ZKSCAN8: variants seen among roughly 807,000 people sequenced by gnomAD.
ZKSCAN8 encodes zinc finger protein with KRAB and SCAN domains 8.
A neutral mutation model predicts 57.2 loss-of-function variants in ZKSCAN8; 27 were observed. That is an observed-to-expected ratio of 0.47 (90% confidence interval 0.35 to 0.65). ZKSCAN8 has a LOEUF of 0.65. Ranked by LOEUF, ZKSCAN8 falls within the 30% of genes least tolerant of loss-of-function variation. The pLI is 0.01. For synonymous variants in ZKSCAN8, 214 were observed against 248.7 expected (o/e 0.86, Z 1.31); for missense variants, 597 against 696.3 (o/e 0.86, Z 1.60).
rs1765610552 is a variant in ZKSCAN8, at chr6:28,152,121, C to T, written c.652-140C>T. On this transcript the variant is annotated intron_variant, in intron 4 of 5. Transcript: ENST00000330236. ...AGTAAATCTCATGCATTTTCCTCTT[C>T]TTCCTAGCTATTCAGATCCCTTTAC... The T allele has an allele frequency of 2.1e-6, 3 of 1,410,968 alleles. No individual in the cohort carries two copies. In the African/African-American group the frequency reaches 4.3e-5, roughly 20 times the overall value. The allele number at this position is 1,410,968 out of a possible 1,614,324, so 87.4% of individuals were successfully genotyped here.
intron 1 of ZKSCAN8, among the ~76,000 whole-genome samples, chr6:28,147,558 T>A (rs2622320): frequency 0.53 from 80,574 of 152,098 alleles, 25,197 homozygotes; most frequent in African/African-American, 0.87. Flanking sequence ...TCATAGTGAT[T>A]AAAAAACAAA....
In ZKSCAN8 at chr6:28,143,284, G is replaced by C. The variant is rs371884039; in HGVS notation, c.-93+1255G>C. 7.9e-5 allele frequency among the ~76,000 whole-genome samples: 12 copies of C among 152,214 alleles called. No individual in the cohort carries two copies. The East Asian group carries it at 2.3e-3, about 29-fold the overall frequency. ...CTCAAAAACCAGCTGATCAGAGAGG[G>C]AAGAGACTTAAAAAAATGGAAAATT... On this transcript the variant is annotated intron_variant, in intron 1 of 5. Coordinates refer to ENST00000330236, the MANE Select transcript of ZKSCAN8 (RefSeq NM_006298.4).
At position 28,153,239 on chromosome 6, in the gene ZKSCAN8, G is replaced by C. The variant is rs1348765007; in HGVS notation, c.959G>C (p.Arg320Thr). 1.9e-6 allele frequency: 3 copies of C among 1,614,216 alleles called. No individual in the cohort carries two copies. The highest frequency in any genetic ancestry group is 2.5e-6 in the Non-Finnish European group (3 of 1,180,032). ...ERQRGNPTQERRHKCDECGKS... is the reference protein window; with the variant it reads ...ERQRGNPTQETRHKCDECGKS... The stretch of plus-strand genomic sequence containing the variant: ...CAGCGGGGAAATCCCACACAAGAGA[G>C]ACGACATAAATGTGATGAATGTGGG... The change falls in exon 6 of 6, where the codon AGA (arginine) becomes ACA (threonine). Residue 320 changes from arginine (R) to threonine (T), a missense_variant. Coordinates refer to ENST00000330236, the MANE Select transcript of ZKSCAN8 (RefSeq NM_006298.4).
chr6:28,159,083 T>C lies in ZKSCAN8; in HGVS notation c.*5066T>C, dbSNP rs1171410678. 1 of 152,242 alleles carries C rather than the reference T, an allele frequency of 6.6e-6. No individual in the cohort carries two copies. Among genetic ancestry groups the C allele is most frequent in the African/African-American group, 2.4e-5 (1 of 41,448 alleles). 9.4% of individuals were successfully genotyped at this position (152,242 alleles called of 1,614,324 possible). A position where few individuals can be genotyped will look rare whatever the true frequency, so the allele number is the denominator to read the frequency against. On this transcript the variant is annotated 3_prime_UTR_variant, in exon 6 of 6. Coordinates refer to ENST00000330236, the MANE Select transcript of ZKSCAN8 (RefSeq NM_006298.4). ...AGCTCTTGCCTCTGTGCCTTTCTCA[T>C]GCTATTCTTTTTGCTTAGATTGCTC... is the stretch of plus-strand genomic sequence containing the variant.
Position 28,152,341 on chromosome 6 carries a change from T to TAG in ZKSCAN8, c.736_737dup (p.Asp246GlufsTer25). ...TTGATCCATCACAGAAGGATCTGTGTAGAGATAACAGGCCAGAAAATTTCA... is the reference window on the plus strand; with the variant it reads ...TTGATCCATCACAGAAGGATCTGTGTAGAGAGATAACAGGCCAGAAAATTTCA... On this transcript the variant is annotated frameshift_variant, in exon 5 of 6. Coordinates refer to ENST00000330236, the MANE Select transcript of ZKSCAN8 (RefSeq NM_006298.4). LOFTEE classifies it high-confidence loss of function. The TAG allele has an allele frequency of 6.2e-7, 1 of 1,613,438 alleles. No individual in the cohort carries two copies. Among genetic ancestry groups the TAG allele is most frequent in the Non-Finnish European group, 8.5e-7 (1 of 1,179,848 alleles).
At chr6:28,141,816 T>C (rs921645687), upstream of ZKSCAN8, 3 of 152,418 alleles carry the variant, frequency 2.0e-5, no homozygotes, top group Admixed American at 1.3e-4. Flanking sequence ...CCATAGAGCT[T>C]GTAGACCTCC....
rs1303880529 is a variant in ZKSCAN8 at position 28,152,301 on chromosome 6, G to A, written c.692G>A (p.Arg231Gln). 7.4e-6 allele frequency: 12 copies of A among 1,612,942 alleles called. No individual in the cohort carries two copies. Among genetic ancestry groups the A allele is most frequent in the East Asian group, 2.2e-5 (1 of 44,868 alleles). ...GAAGACATGGCTGTGTCCCTTATTC[G>A]AGAGGAGTGGCTTCTTGATCCATCA... ...KIEDMAVSLIREEWLLDPSQK... is the reference protein window; with the variant it reads ...KIEDMAVSLIQEEWLLDPSQK... Residue 231 changes from arginine to glutamine, a missense_variant, in exon 5 of 6, where the codon CGA becomes CAA. Arg to Gln is a conservative substitution (Grantham distance 43). Coordinates refer to ENST00000330236, the MANE Select transcript of ZKSCAN8 (RefSeq NM_006298.4).
rs1437928041 is a variant in ZKSCAN8, at chr6:28,155,000, T to A, written c.*983T>A. 1 of 152,616 alleles carries A rather than the reference T, an allele frequency of 6.6e-6. No homozygotes were observed. Among genetic ancestry groups the A allele is most frequent in the Non-Finnish European group, 1.5e-5 (1 of 68,040 alleles). The allele number at this position is 152,616 out of a possible 1,614,324, so 9.5% of individuals were successfully genotyped here. ...ACTCATCTTTTTTGGCCCATTACAA[T>A]ACTGCTTTCTCAGGTTCTTAACAGC... On this transcript the variant is annotated 3_prime_UTR_variant, in exon 6 of 6. Coordinates refer to ENST00000330236, the MANE Select transcript of ZKSCAN8 (RefSeq NM_006298.4).
Position 28,153,628 on chromosome 6 carries a change from A to C in ZKSCAN8, c.1348A>C (p.Ile450Leu). 1 of 1,613,082 alleles carries C rather than the reference A, an allele frequency of 6.2e-7. No homozygotes were observed. The highest frequency in any genetic ancestry group is 8.5e-7 in the Non-Finnish European group (1 of 1,179,740). The change falls in exon 6 of 6, where the codon ATT becomes CTT. Residue 450 changes from isoleucine to leucine, a missense_variant. Ile to Leu is a conservative substitution (Grantham distance 5). Transcript: ENST00000330236. Reference sequence around the variant, plus strand: ...AGCTTTCAGTCATAGCTCACACCTCATTGGACATCAGAGAATCCACACTGG... The same window carrying C: ...AGCTTTCAGTCATAGCTCACACCTCCTTGGACATCAGAGAATCCACACTGG... ...GKAFSHSSHL[I>L]GHQRIHTGEK...
chr6:28,153,620 C>G lies in ZKSCAN8; in HGVS notation c.1340C>G (p.Ser447Ter). ...TGTGGGAAAGCTTTCAGTCATAGCT[C>G]ACACCTCATTGGACATCAGAGAATC... ...NECGKAFSHSSHLIGHQRIHT... is the reference protein window; with the variant it reads ...NECGKAFSHS The change falls in exon 6 of 6, where the codon TCA becomes TGA. Residue 447 changes from serine to a stop codon, truncating the protein, a stop_gained. Coordinates refer to ENST00000330236, the MANE Select transcript of ZKSCAN8 (RefSeq NM_006298.4). LOFTEE classifies it high-confidence loss of function. The G allele has an allele frequency of 6.2e-7, 1 of 1,614,030 alleles. No homozygotes were observed.
chr6:28,148,239 A>G (rs535751156), intron 1 of ZKSCAN8, 77 bp from the exon 2 acceptor site: 2 of 659,858 alleles, frequency 3.0e-6, no homozygotes, highest in African/African-American at 3.6e-5. Context: ...TGTCATACTA[A>G]GGAACTTGTT....
chr6:28,151,946 G>A lies in ZKSCAN8; in HGVS notation c.651+10G>A. ...CACAGCAGGGTTCCAGGTGAGTTGT[G>A]CTCCTTCTCACTGAAACGCCATAGC... On this transcript the variant is annotated intron_variant, in intron 4 of 5. Coordinates refer to ENST00000330236, the MANE Select transcript of ZKSCAN8 (RefSeq NM_006298.4). 2 of 1,613,440 alleles carry A rather than the reference G, an allele frequency of 1.2e-6. No individual in the cohort carries two copies. Among genetic ancestry groups the A allele is most frequent in the Non-Finnish European group, 1.7e-6 (2 of 1,179,418 alleles).
intron 3 of ZKSCAN8, 23 bp downstream of exon 3, chr6:28,149,647 T>C: frequency 6.2e-7 from 1 of 1,612,780 alleles, no homozygotes; most frequent in Non-Finnish European, 8.5e-7. Flanking sequence ...ATTTCATTGA[T>C]GATAAGGGGG....
At chr6:28,148,034 C>T (rs900314492) in intron 1 of ZKSCAN8, among the ~76,000 whole-genome samples, 8 of 152,204 alleles carry the variant, frequency 5.3e-5, no homozygotes, top group African/African-American at 1.9e-4. Context: ...AAAATTTCAA[C>T]TAGACCCAGT....
intron 4 of ZKSCAN8, 50 bp downstream of exon 4, chr6:28,151,986 T>C (rs1429777904): frequency 6.3e-7 from 1 of 1,589,918 alleles, no homozygotes; most frequent in East Asian, 2.2e-5. Flanking sequence ...CTTGTCAGTG[T>C]TTGTGGCATC....
intron 2 of ZKSCAN8, 52 bp from the exon 3 acceptor site, chr6:28,149,431 C>G (rs1279321605): frequency 6.2e-7 from 1 of 1,605,444 alleles, no homozygotes. Flanking sequence ...TTTCATTGTT[C>G]ATTACATTTC....
At position 28,153,561 on chromosome 6, in the gene ZKSCAN8, C is replaced by T; in HGVS notation, c.1281C>T (p.Ile427=). The change falls in exon 6 of 6, where the codon ATC becomes ATT. Residue 427 remains isoleucine (I), a synonymous_variant. Transcript: ENST00000330236. ...CGGGCCTTATTCTGCACCAGAGAAT[C>T]CACAGTGGAGAGAGACCCTATGAAT... ...QSAGLILHQR[I]HSGERPYECN... 6.2e-7 allele frequency: 1 copy of T among 1,614,006 alleles called. No homozygotes were observed. Among genetic ancestry groups the T allele is most frequent in the South Asian group, 1.1e-5 (1 of 91,082 alleles).
In ZKSCAN8 at chr6:28,151,915, A is replaced by C. The variant is rs1180682555; in HGVS notation, c.630A>C (p.Thr210=). 6 of 1,613,942 alleles carry C rather than the reference A, an allele frequency of 3.7e-6. No homozygotes were observed. Among genetic ancestry groups the C allele is most frequent in the Non-Finnish European group, 5.1e-6 (6 of 1,179,992 alleles). The change falls in exon 4 of 6, where the codon ACA becomes ACC. Residue 210 remains threonine, a synonymous_variant. Transcript: ENST00000330236. ...GSSGDQEMTA[T]LLTAGFQTLE... ...CTGGAGACCAGGAAATGACAGCTAC[A>C]CTTCTCACAGCAGGGTTCCAGGTGA... is the stretch of plus-strand genomic sequence containing the variant.
chr6:28,152,544 T>G (rs574692642), intron 5 of ZKSCAN8, among the ~76,000 whole-genome samples, 160 bp downstream of exon 5: 1 of 151,158 alleles, frequency 6.6e-6, no homozygotes, highest in African/African-American at 2.4e-5. Flanking sequence ...TACGTGAAAC[T>G]TTTGTTCTCC....
Sources: allele counts gnomAD v4.1 joint callset (sites outside exome capture counted in the v4.1 genomes callset), GRCh38; gene constraint gnomAD v4.1.1; transcripts MANE v1.5; gene names NCBI Gene and HGNC (gene_info 2026-07-23, HGNC 2026-07-21).